Variants in FBXL17 observed in about 807,000 individuals in gnomAD.
FBXL17 encodes the protein F-box and leucine rich repeat protein 17.
FBXL17 carries 22 observed loss-of-function variants against 66.2 expected under a neutral mutation model. That is an observed-to-expected ratio of 0.33 (90% CI 0.24 to 0.47). The LOEUF (loss-of-function observed/expected upper bound fraction) is 0.47. FBXL17 is among the 20% of genes least tolerant of loss of function. The pLI is 1.00. For synonymous variants in FBXL17, 474 were observed against 400.5 expected (o/e 1.18, Z -2.19); for missense variants, 878 against 948.2 (o/e 0.93, Z 0.97).
chr5:107,875,261 A>C (rs1374629106), intron 8 of FBXL17, among the ~76,000 whole-genome samples: 1 of 152,148 alleles, frequency 6.6e-6, no homozygotes, highest in African/African-American at 2.4e-5. Flanking sequence ...ATTGCTACCA[A>C]AACAGTCCTG....
intron 4 of FBXL17, among the ~76,000 whole-genome samples, chr5:108,227,836 A>C (rs1410432175): frequency 1.3e-5 from 2 of 152,206 alleles, no homozygotes; most frequent in Non-Finnish European, 2.9e-5. Flanking sequence ...TTAACAAAGA[A>C]TTTTTAAGGC....
chr5:107,938,418 T>C (rs1258870510), intron 7 of FBXL17, among the ~76,000 whole-genome samples: 1 of 152,186 alleles, frequency 6.6e-6, no homozygotes, highest in Admixed American at 6.5e-5. Flanking sequence ...CACTAGTTTC[T>C]ATGAACCTAG....
At chr5:107,925,776 T>C (rs1332871943) in intron 7 of FBXL17, among the ~76,000 whole-genome samples, 1 of 152,194 alleles carries the variant, frequency 6.6e-6, no homozygotes, top group Non-Finnish European at 1.5e-5. Flanking sequence ...CCTACCAGTA[T>C]GTCCTGAGAT....
chr5:108,012,097 C>T (rs1754199177), intron 7 of FBXL17, among the ~76,000 whole-genome samples: 1 of 152,122 alleles, frequency 6.6e-6, no homozygotes, highest in Non-Finnish European at 1.5e-5. Context: ...AAGTCATCTG[C>T]AATGGGGAAA....
chr5:108,181,828 G>A (rs1753014412), intron 6 of FBXL17, among the ~76,000 whole-genome samples: 1 of 152,154 alleles, frequency 6.6e-6, no homozygotes, highest in Non-Finnish European at 1.5e-5. Context: ...AATCGTATGT[G>A]AATCCCAGCT....
intron 7 of FBXL17, among the ~76,000 whole-genome samples, chr5:108,007,330 C>T (rs1391959644): frequency 6.6e-6 from 1 of 152,110 alleles, no homozygotes; most frequent in East Asian, 1.9e-4. Context: ...GCCTGGCACA[C>T]AACAGAAGCT....
intron 6 of FBXL17, among the ~76,000 whole-genome samples, chr5:108,035,806 C>T (rs908358752): frequency 6.7e-6 from 1 of 149,212 alleles, no homozygotes; most frequent in Non-Finnish European, 1.5e-5. Context: ...ACCTAAAGCA[C>T]TCTACCCTTG....
At chr5:108,248,850 A>C (rs548902783) in intron 4 of FBXL17, among the ~76,000 whole-genome samples, 79 of 152,266 alleles carry the variant, frequency 5.2e-4, no homozygotes, top group African/African-American at 1.8e-3. Flanking sequence ...TCCAGAAAAA[A>C]AATATCCTTC....
chr5:108,279,191 G>GTAAA (rs1184779531), intron 4 of FBXL17, among the ~76,000 whole-genome samples: 1 of 152,076 alleles, frequency 6.6e-6, no homozygotes, highest in African/African-American at 2.4e-5. Context: ...CACCTGGCCA[G>GTAAA]TAAACTGCTA....
chr5:108,069,520 C>T (rs1748250129), intron 6 of FBXL17, among the ~76,000 whole-genome samples: 1 of 152,110 alleles, frequency 6.6e-6, no homozygotes, highest in African/African-American at 2.4e-5. Context: ...ATCAGGCCAA[C>T]AGTAGGCATA....
At chr5:108,296,206 CAA>C (rs1314716417) in intron 4 of FBXL17, among the ~76,000 whole-genome samples, 3 of 151,598 alleles carry the variant, frequency 2.0e-5, no homozygotes, top group Non-Finnish European at 4.4e-5. Context: ...GGCTGAATCT[CAA>C]GTTTCTGGAT....
intron 7 of FBXL17, among the ~76,000 whole-genome samples, chr5:107,954,328 T>C (rs1004386418): frequency 6.6e-6 from 1 of 152,240 alleles, no homozygotes; most frequent in Admixed American, 6.5e-5. Flanking sequence ...TCCTGACATT[T>C]ACCTATTCAA....
intron 7 of FBXL17, among the ~76,000 whole-genome samples, chr5:107,970,485 T>C (rs1291025287): frequency 1.3e-5 from 2 of 152,172 alleles, no homozygotes; most frequent in Non-Finnish European, 2.9e-5. Flanking sequence ...TTTAATTTCG[T>C]CTAGTGCGGT....
rs569403262 is a variant in FBXL17, at chr5:107,894,454, A to G, written c.1823-13275T>C. On this transcript the variant is annotated intron_variant, in intron 7 of 8. Coordinates refer to ENST00000542267, the MANE Select transcript of FBXL17 (RefSeq NM_001163315.3). ...GGTGGTTTTTACCTGCCTGACATCA[A>G]TTCTCATTTTCTCACAACAAACCCT... Among the ~76,000 whole-genome samples, 60 of 152,244 alleles carry G rather than the reference A, an allele frequency of 3.9e-4. No individual in the cohort carries two copies. The South Asian group carries it at 0.01, about 26-fold the overall frequency.
chr5:108,037,450 A>G (rs1746890016), intron 6 of FBXL17, among the ~76,000 whole-genome samples: 1 of 152,236 alleles, frequency 6.6e-6, no homozygotes, highest in Non-Finnish European at 1.5e-5. Context: ...GATGAGGTAA[A>G]CAATATAGTT....
intron 8 of FBXL17, among the ~76,000 whole-genome samples, chr5:107,871,100 G>C (rs1748442276): frequency 8.6e-6 from 1 of 115,938 alleles, no homozygotes; most frequent in South Asian, 2.7e-4. Flanking sequence ...AAATCTCAAA[G>C]TATACAGTAA....
intron 6 of FBXL17, among the ~76,000 whole-genome samples, chr5:108,153,473 G>A (rs1751848613): frequency 6.6e-6 from 1 of 152,152 alleles, no homozygotes; most frequent in South Asian, 2.1e-4. Context: ...TTGCAGGGTT[G>A]GTAGGCTCAA....
intron 7 of FBXL17, among the ~76,000 whole-genome samples, chr5:107,980,664 A>ATATATATATATATATTTTTTTTTTTTTT: frequency 1.6e-5 from 1 of 62,106 alleles, no homozygotes; most frequent in African/African-American, 1.0e-4. Context: ...ATATATATAT[A>ATATATATATATATATTTTTTTTTTTTTT]TTTTTTTTTT....
rs1014506604 is a variant in FBXL17 at position 108,163,529 on chromosome 5, T to C, written c.1745+22588A>G. 1.7e-4 allele frequency among the ~76,000 whole-genome samples: 26 copies of C among 151,264 alleles called. 1 individual carries two copies. Among genetic ancestry groups the C allele is most frequent in the Non-Finnish European group, 3.4e-4 (23 of 67,926 alleles). ...CATTCTCCTGCCTCAGCCTCCCGAG[T>C]AGCGGGGACTACAGGCGTCCGCCAC... On this transcript the variant is annotated intron_variant, in intron 6 of 8. Coordinates refer to ENST00000542267, the MANE Select transcript of FBXL17 (RefSeq NM_001163315.3).
Sources: gnomAD v4.1 joint callset for allele counts (sites outside exome capture counted in the v4.1 genomes callset) on GRCh38, gnomAD v4.1.1 for gene constraint, MANE v1.5 for transcripts, NCBI Gene and HGNC (gene_info 2026-07-23, HGNC 2026-07-21) for gene names.